The following UBAP2L variants were observed in gnomAD, a reference collection of about 807,000 sequenced individuals.
UBAP2L encodes the protein ubiquitin associated protein 2 like, also known as ubiquitin-associated protein 2-like.
Under a neutral mutation model 130.6 loss-of-function variants are expected in UBAP2L, and 12 were observed. The observed-to-expected ratio is 0.09, with a 90% confidence interval of 0.06 to 0.15. UBAP2L has a LOEUF of 0.15. Among genes scored for constraint, UBAP2L ranks in the 10% least tolerant of loss-of-function variants. The pLI, the probability that UBAP2L is intolerant of heterozygous loss-of-function variation, is 1.00. For synonymous variants in UBAP2L, 503 were observed against 524.7 expected (o/e 0.96, Z 0.57); for missense variants, 965 against 1,332.5 (o/e 0.72, Z 4.29).
At chr1:154,235,131 C>T (rs1671190902) in intron 5 of UBAP2L, 65 bp from the exon 6 acceptor site, 3 of 705,360 alleles carry the variant, frequency 4.3e-6, no homozygotes, top group Admixed American at 2.3e-5. Context: ...GTTGACTGTG[C>T]TCTGGCCATC....
intron 6 of UBAP2L, among the ~76,000 whole-genome samples, chr1:154,236,341 G>A (rs1424055302): frequency 1.3e-5 from 2 of 152,102 alleles, no homozygotes; most frequent in Non-Finnish European, 2.9e-5. Flanking sequence ...TGGGACTATA[G>A]GTGTGTGCCA....
chr1:154,223,191 G>T lies in UBAP2L; in HGVS notation c.-40-1893G>T, dbSNP rs889005265. 3.5e-4 allele frequency among the ~76,000 whole-genome samples: 54 copies of T among 152,160 alleles called. 1 individual carries two copies. The highest frequency in any genetic ancestry group is 3.4e-3 in the Admixed American group (52 of 15,272). ...ATGTTACTAGCAAGAGTGATTAGGA[G>T]AATTTTTTTCTTTCTTGGTTAATTA... is the stretch of plus-strand genomic sequence containing the variant. On this transcript the variant is annotated intron_variant, in intron 1 of 26. Transcript: ENST00000428931.
intron 12 of UBAP2L, among the ~76,000 whole-genome samples, chr1:154,250,108 C>T (rs1389199630): frequency 6.6e-6 from 1 of 152,158 alleles, no homozygotes; most frequent in African/African-American, 2.4e-5. Context: ...TTCTGTCATC[C>T]AGACCGGAGT....
intron 6 of UBAP2L, among the ~76,000 whole-genome samples, chr1:154,236,221 G>C (rs1191262492): frequency 6.6e-6 from 1 of 151,750 alleles, no homozygotes; most frequent in Non-Finnish European, 1.5e-5. Context: ...GTATTTTTGA[G>C]GCAAGGTTTC....
chr1:154,223,456 TTATATA>T (rs1051584197), intron 1 of UBAP2L, among the ~76,000 whole-genome samples: 2 of 152,174 alleles, frequency 1.3e-5, no homozygotes, highest in African/African-American at 4.8e-5. Flanking sequence ...CCTCTCGTCT[TTATATA>T]TATACGTATA....
chr1:154,233,266 C>T (rs537830315), intron 4 of UBAP2L, among the ~76,000 whole-genome samples: 78 of 151,946 alleles, frequency 5.1e-4, no homozygotes, highest in Middle Eastern at 3.4e-3. Context: ...CCACTCTCCT[C>T]GGCCTCCCAA....
At chr1:154,240,078 T>C (rs572841106) in intron 8 of UBAP2L, among the ~76,000 whole-genome samples, 2 of 152,360 alleles carry the variant, frequency 1.3e-5, no homozygotes, top group South Asian at 4.1e-4. Context: ...AGAATACTTC[T>C]CTTCAGTGGC....
At chr1:154,243,104 T>A (rs1296703583) in intron 9 of UBAP2L, 113 bp from the exon 10 acceptor site, 1 of 808,978 alleles carries the variant, frequency 1.2e-6, no homozygotes, top group African/African-American at 1.7e-5. Context: ...GGTAGATAGT[T>A]TTCTCTTTAT....
At chr1:154,232,214 C>T (rs1264644357) in intron 4 of UBAP2L, among the ~76,000 whole-genome samples, 1 of 151,778 alleles carries the variant, frequency 6.6e-6, no homozygotes, top group Non-Finnish European at 1.5e-5. Context: ...GTCCCAGTTG[C>T]TTGGGAGGCT....
At chr1:154,257,511 G>C (rs539311363) in intron 20 of UBAP2L, 77 bp downstream of exon 20, 1 of 1,516,604 alleles carries the variant, frequency 6.6e-7, no homozygotes, top group Non-Finnish European at 9.1e-7. Context: ...GCTTCAGATG[G>C]ACCCCTGTGA....
At chr1:154,251,689 A>G in intron 14 of UBAP2L, 36 bp downstream of exon 14, 2 of 1,607,966 alleles carry the variant, frequency 1.2e-6, no homozygotes, top group Non-Finnish European at 1.7e-6. Context: ...CTCTCTTATT[A>G]ACCTTTACTA....
chr1:154,237,401 A>C (rs1242580147), intron 8 of UBAP2L, among the ~76,000 whole-genome samples: 1 of 152,214 alleles, frequency 6.6e-6, no homozygotes, highest in Non-Finnish European at 1.5e-5. Context: ...ACTAAGGCCG[A>C]AAGAGAGGTT....
At chr1:154,254,132 TG>T in intron 15 of UBAP2L, 43 bp downstream of exon 15, 1 of 1,445,482 alleles carries the variant, frequency 6.9e-7, no homozygotes, top group Non-Finnish European at 9.1e-7. Flanking sequence ...AGGAGAATAG[TG>T]GGCAAAAATT....
At chr1:154,270,940 C>T (rs1191679588), downstream of UBAP2L, 2 of 1,550,086 alleles carry the variant, frequency 1.3e-6, no homozygotes, top group Admixed American at 2.0e-5. Context: ...ACCAACTGGG[C>T]CTCCTCTAGC....
At chr1:154,267,151 G>GTTTTTTTTTTTTTTTTTTTTTTT (rs36051247) in intron 25 of UBAP2L, among the ~76,000 whole-genome samples, 1 of 108,622 alleles carries the variant, frequency 9.2e-6, no homozygotes, top group African/African-American at 3.3e-5. Context: ...TATCCAACGA[G>GTTTTTTTTTTTTTTTTTTTTTTT]TTTTTTTTTT....
At chr1:154,256,990 T>G in intron 18 of UBAP2L, 73 bp from the exon 19 acceptor site, 2 of 1,507,966 alleles carry the variant, frequency 1.3e-6, no homozygotes, top group Non-Finnish European at 1.8e-6. Flanking sequence ...GCAGGAGGGA[T>G]TGTCTTATTT....
chr1:154,248,354 G>A (rs892445284), intron 11 of UBAP2L, among the ~76,000 whole-genome samples: 1 of 152,128 alleles, frequency 6.6e-6, no homozygotes, highest in East Asian at 1.9e-4. Flanking sequence ...TGCAGAAGTT[G>A]GGATGCCCTT....
At chr1:154,220,823 T>G (rs577451359), upstream of UBAP2L, 15 of 160,998 alleles carry the variant, frequency 9.3e-5, no homozygotes, top group African/African-American at 2.0e-4. Context: ...CCTTTTAGCG[T>G]CACGCGCTGA....
chr1:154,234,841 G>A, intron 5 of UBAP2L, 82 bp downstream of exon 5: 4 of 1,528,082 alleles, frequency 2.6e-6, no homozygotes, highest in Non-Finnish European at 3.5e-6. Context: ...TGCTAGTCAG[G>A]ACCTAGGAAC....
Sources: allele counts gnomAD v4.1 joint callset (sites outside exome capture counted in the v4.1 genomes callset), GRCh38; gene constraint gnomAD v4.1.1; transcripts MANE v1.5; gene names NCBI Gene and HGNC (gene_info 2026-07-23, HGNC 2026-07-21).